The following PGAP2 variants were observed in gnomAD, a reference collection of about 807,000 sequenced individuals.
PGAP2 encodes post-GPI attachment to proteins 2, also known as acyltransferase PGAP2.
A neutral mutation model predicts 33.2 loss-of-function variants in PGAP2; 21 were observed. That is an observed-to-expected ratio of 0.63 (90% CI 0.45 to 0.91). The LOEUF is 0.91. PGAP2 is among the 40% of genes least tolerant of loss of function. The pLI, the probability that PGAP2 is intolerant of heterozygous loss-of-function variation, is 0.00. For missense variants in PGAP2, 345 were observed against 424.0 expected (o/e 0.81, Z 1.64); for synonymous variants, 161 against 172.9 (o/e 0.93, Z 0.54).
chr11:3,814,687 A>G, intron 2 of PGAP2, among the ~76,000 whole-genome samples: 1 of 151,088 alleles, frequency 6.6e-6, no homozygotes, highest in Non-Finnish European at 1.5e-5. Flanking sequence ...TGCTAGGATT[A>G]CAGGCTTGAG....
intron 1 of PGAP2, among the ~76,000 whole-genome samples, chr11:3,798,872 A>C (rs1298534095): frequency 6.6e-6 from 1 of 151,428 alleles, no homozygotes; most frequent in Non-Finnish European, 1.5e-5. Flanking sequence ...CGAACTCCGG[A>C]ACTCAGGTGA....
Position 3,825,723 on chromosome 11 carries a change from T to TAAAA in PGAP2, c.*273_*276dup. 4.8e-6 allele frequency: 1 copy of TAAAA among 208,008 alleles called. No individual in the cohort carries two copies. Among genetic ancestry groups the TAAAA allele is most frequent in the Non-Finnish European group, 9.8e-6 (1 of 102,438 alleles). 12.9% of individuals were successfully genotyped at this position (208,008 alleles called of 1,614,324 possible). A position where few individuals can be genotyped will look rare whatever the true frequency, so the allele number is the denominator to read the frequency against. On this transcript the variant is annotated 3_prime_UTR_variant, in exon 7 of 7. Coordinates refer to ENST00000278243, the MANE Select transcript of PGAP2 (RefSeq NM_014489.4). ...GGCAGAGAGCTCCACCATTTGGTGC[T>TAAAA]AAAAAAAAAAACGTCCTGAGGTTCA...
rs1236871941 is a variant in PGAP2 at position 3,825,700 on chromosome 11, CAG to C, written c.*247_*248del. The C allele has an allele frequency of 3.2e-6, 1 of 312,188 alleles. No homozygotes were observed. The highest frequency in any genetic ancestry group is 6.0e-6 in the Non-Finnish European group (1 of 167,632). 19.3% of individuals were successfully genotyped at this position (312,188 alleles called of 1,614,324 possible). The stretch of plus-strand genomic sequence containing the variant: ...GAGAGGCCCCAAGAAGCTGAGCTGG[CAG>C]AGAGCTCCACCATTTGGTGCTAAAA... On this transcript the variant is annotated 3_prime_UTR_variant, in exon 7 of 7. Transcript: ENST00000278243.
intron 2 of PGAP2, among the ~76,000 whole-genome samples, chr11:3,812,137 G>T (rs917246144): frequency 6.6e-6 from 1 of 151,920 alleles, no homozygotes; most frequent in African/African-American, 2.4e-5. Flanking sequence ...GAAGAAAGAT[G>T]TAAGACCACT....
upstream of PGAP2, chr11:3,808,057 T>C: frequency 2.1e-6 from 3 of 1,414,072 alleles, no homozygotes; most frequent in Admixed American, 2.9e-5. Context: ...GTTTCTGGGA[T>C]GTGCCTCACC....
At chr11:3,803,632 G>C (rs748746490), upstream of PGAP2, among the ~76,000 whole-genome samples, 15 of 151,430 alleles carry the variant, frequency 9.9e-5, no homozygotes, top group Non-Finnish European at 1.8e-4. Flanking sequence ...TTCACCATGT[G>C]GGCCAGGCTG....
chr11:3,809,012 A>G (rs2085016985), intron 1 of PGAP2, among the ~76,000 whole-genome samples: 1 of 151,534 alleles, frequency 6.6e-6, no homozygotes, highest in African/African-American at 2.4e-5. Flanking sequence ...AGTGTTTTGA[A>G]CCTCCCTGAG....
At chr11:3,803,108 C>T (rs1189398420) in intron 1 of PGAP2, among the ~76,000 whole-genome samples, 2 of 151,758 alleles carry the variant, frequency 1.3e-5, no homozygotes, top group African/African-American at 2.4e-5. Flanking sequence ...ATTCTCCTGC[C>T]TCAGCCTCCC....
chr11:3,824,717 G>A, intron 5 of PGAP2: 2 of 1,100,044 alleles, frequency 1.8e-6, no homozygotes, highest in East Asian at 5.2e-5. Flanking sequence ...CATGTACATG[G>A]GTTTCTTTTC....
chr11:3,818,057 C>CA lies in PGAP2; in HGVS notation c.348+526dup, dbSNP rs879534196. The CA allele has an allele frequency of 1.2e-3, 188 of 150,910 alleles. 2 individuals are homozygous for CA. Among genetic ancestry groups the CA allele is most frequent in the South Asian group, 2.5e-3 (35 of 14,276 alleles). The allele number at this position is 150,910 out of a possible 1,614,324, so 9.3% of individuals were successfully genotyped here. On this transcript the variant is annotated intron_variant, in intron 3 of 6. Transcript: ENST00000278243. Reference sequence around the variant, plus strand: ...GTAAAACCCTGTCTCAAAAACAAAACAAAATAAAAAAAAAAAAACAGCAGG... The same window carrying CA: ...GTAAAACCCTGTCTCAAAAACAAAACAAAAATAAAAAAAAAAAAACAGCAGG...
chr11:3,797,936 G>T, exon 1 of PGAP2: 7 of 1,548,570 alleles, frequency 4.5e-6, no homozygotes, highest in Non-Finnish European at 6.1e-6. Flanking sequence ...CGCGACTCGG[G>T]CTGAGGGAGC....
At chr11:3,807,104 G>C (rs1564983960), upstream of PGAP2, among the ~76,000 whole-genome samples, 1 of 150,388 alleles carries the variant, frequency 6.6e-6, no homozygotes, top group Non-Finnish European at 1.5e-5. Flanking sequence ...GGGAAGCCAA[G>C]GCGGGGGCAG....
upstream of PGAP2, among the ~76,000 whole-genome samples, chr11:3,804,847 G>A (rs888064116): frequency 3.3e-5 from 5 of 151,998 alleles, no homozygotes; most frequent in African/African-American, 7.2e-5. Context: ...GATTACAGGC[G>A]CCCGCCACCA....
rs761521254 is a variant in PGAP2 at position 3,811,105 on chromosome 11, G to A, written c.-10-145G>A. On this transcript the variant is annotated intron_variant, in intron 1 of 6. Coordinates refer to ENST00000278243, the MANE Select transcript of PGAP2 (RefSeq NM_014489.4). The surrounding 1 kb of genome is among the most constrained non-coding windows in gnomAD (Gnocchi z 4.6). The stretch of plus-strand genomic sequence containing the variant: ...TCAGTCTTCCTCATCCAGGGCAAGA[G>A]CTATCCAAGTTTAGGTGCCTTCCTC... 1.6e-6 allele frequency: 1 copy of A among 623,360 alleles called. No homozygotes were observed. The highest frequency in any genetic ancestry group is 2.8e-6 in the Non-Finnish European group (1 of 361,448). 38.6% of individuals were successfully genotyped at this position (623,360 alleles called of 1,614,324 possible). A position where few individuals can be genotyped will look rare whatever the true frequency, so the allele number is the denominator to read the frequency against.
chr11:3,815,853 A>G lies in PGAP2; in HGVS notation c.166-1500A>G, dbSNP rs572650707. ...TTTTGTATCCTGCTTCTGTCATCATAGGATTTAGCCATTTCTCCAGTGAGG... is the reference window on the plus strand; with the variant it reads ...TTTTGTATCCTGCTTCTGTCATCATGGGATTTAGCCATTTCTCCAGTGAGG... On this transcript the variant is annotated intron_variant, in intron 2 of 6. Transcript: ENST00000278243. 9.2e-5 allele frequency among the ~76,000 whole-genome samples: 14 copies of G among 152,230 alleles called. No individual in the cohort carries two copies. The South Asian group carries it at 2.9e-3, about 32-fold the overall frequency.
chr11:3,816,845 G>C (rs557429997), intron 2 of PGAP2, among the ~76,000 whole-genome samples: 26 of 152,292 alleles, frequency 1.7e-4, no homozygotes, highest in African/African-American at 6.0e-4. Flanking sequence ...TGGCCATTCT[G>C]AGCCAACGGT....
chr11:3,812,903 G>A (rs769509985), intron 2 of PGAP2, among the ~76,000 whole-genome samples: 29 of 152,168 alleles, frequency 1.9e-4, no homozygotes, highest in Non-Finnish European at 2.9e-4. Context: ...AGAACTGGAC[G>A]AAAAGGGCGA....
intron 1 of PGAP2, among the ~76,000 whole-genome samples, chr11:3,801,301 A>C (rs7122619): frequency 0.027 from 4,170 of 152,106 alleles, 204 homozygotes; most frequent in African/African-American, 0.094. Flanking sequence ...TTAGCATAGT[A>C]CCTGGCACAG....
chr11:3,813,258 C>G (rs1457296876), intron 2 of PGAP2, among the ~76,000 whole-genome samples: 2 of 152,174 alleles, frequency 1.3e-5, no homozygotes, highest in African/African-American at 4.8e-5. Context: ...TTCCGTCACC[C>G]AGGCCAGAGT....
Sources: gnomAD v4.1 joint callset for allele counts (sites outside exome capture counted in the v4.1 genomes callset) on GRCh38, gnomAD v4.1.1 for gene constraint, Gnocchi (gnomAD v3.1) non-coding constraint, MANE v1.5 for transcripts, NCBI Gene and HGNC (gene_info 2026-07-23, HGNC 2026-07-21) for gene names.